Variants in DNM3 observed in about 807,000 individuals in gnomAD.
DNM3 encodes dynamin-3.
DNM3 carries 47 observed loss-of-function variants against 101.6 expected under a neutral mutation model. The observed-to-expected ratio is 0.46, with a 90% CI of 0.37 to 0.59. The LOEUF (loss-of-function observed/expected upper bound fraction) is 0.59, where lower values mean the gene tolerates loss of function less well. Ranked by LOEUF, DNM3 falls within the 20% of genes least tolerant of loss-of-function variation. DNM3 has a pLI of 0.00. For synonymous variants in DNM3, 385 were observed against 387.9 expected (o/e 0.99, Z 0.09); for missense variants, 849 against 1,085.7 (o/e 0.78, Z 3.06).
At chr1:171,928,492 G>T (rs1036894256) in intron 2 of DNM3, among the ~76,000 whole-genome samples, 7 of 152,118 alleles carry the variant, frequency 4.6e-5, no homozygotes, top group Non-Finnish European at 1.0e-4. Context: ...CAGGGTGGAG[G>T]GTCTGTGCTA....
At chr1:172,181,651 CAATT>C (rs2059350492) in intron 14 of DNM3, among the ~76,000 whole-genome samples, 1 of 151,860 alleles carries the variant, frequency 6.6e-6, no homozygotes, top group Non-Finnish European at 1.5e-5. Flanking sequence ...TGCTGACACA[CAATT>C]AATCTCACAA....
At chr1:172,187,157 T>A (rs2059554975) in intron 14 of DNM3, among the ~76,000 whole-genome samples, 1 of 152,098 alleles carries the variant, frequency 6.6e-6, no homozygotes, top group African/African-American at 2.4e-5. Flanking sequence ...TTTCTCCCTC[T>A]TTTCTTTGCA....
intron 14 of DNM3, among the ~76,000 whole-genome samples, chr1:172,242,269 T>C (rs1003441127): frequency 1.3e-5 from 2 of 152,162 alleles, no homozygotes; most frequent in African/African-American, 4.8e-5. Context: ...ATGTAGACTT[T>C]CACTAAACTC....
chr1:171,998,618 G>T (rs995488006), intron 4 of DNM3, among the ~76,000 whole-genome samples: 5 of 152,084 alleles, frequency 3.3e-5, no homozygotes, highest in African/African-American at 4.8e-5. Flanking sequence ...TCTAGAGCTT[G>T]TATTCTAATG....
chr1:172,212,468 C>CAGAAAAATTAACCTATTCCT (rs1464658249), intron 14 of DNM3, among the ~76,000 whole-genome samples: 2 of 152,164 alleles, frequency 1.3e-5, no homozygotes, highest in African/African-American at 2.4e-5. Flanking sequence ...AATAGCTTTG[C>CAGAAAAATTAACCTATTCCT]AGAAAAATTA....
chr1:172,132,988 A>T, intron 14 of DNM3: 1 of 1,533,132 alleles, frequency 6.5e-7, no homozygotes, highest in Non-Finnish European at 8.8e-7. Context: ...TCCAGAGCCT[A>T]TGCTTTCAAC....
intron 13 of DNM3, among the ~76,000 whole-genome samples, chr1:172,093,239 G>A (rs1298329878): frequency 1.3e-5 from 2 of 152,132 alleles, no homozygotes; most frequent in African/African-American, 4.8e-5. Context: ...GCTTTCTGGG[G>A]TTGCTAACTA....
intron 2 of DNM3, among the ~76,000 whole-genome samples, chr1:171,933,446 GGA>G (rs1445767272): frequency 1.3e-5 from 2 of 152,158 alleles, no homozygotes; most frequent in East Asian, 3.8e-4. Context: ...CATTCTAGGT[GGA>G]GAGAAACCAA....
chr1:172,057,837 C>T (rs956290483), intron 10 of DNM3, among the ~76,000 whole-genome samples: 1 of 148,294 alleles, frequency 6.7e-6, no homozygotes, highest in Non-Finnish European at 1.5e-5. Flanking sequence ...CAAATTCACA[C>T]ATAAAAATAT....
chr1:172,394,140 T>A (rs1463060534), intron 20 of DNM3: 1 of 152,228 alleles, frequency 6.6e-6, no homozygotes, highest in African/African-American at 2.4e-5. Context: ...TTTTAATTCT[T>A]CAAGTCTTGG....
At chr1:171,949,581 ATT>A (rs780102550) in intron 2 of DNM3, among the ~76,000 whole-genome samples, 4 of 144,104 alleles carry the variant, frequency 2.8e-5, no homozygotes, top group East Asian at 2.0e-4. Flanking sequence ...GGCTAATGAA[ATT>A]TTTTTTTTTT....
At chr1:172,311,660 G>A (rs753639615) in intron 16 of DNM3, among the ~76,000 whole-genome samples, 7 of 152,100 alleles carry the variant, frequency 4.6e-5, no homozygotes, top group Non-Finnish European at 1.0e-4. Flanking sequence ...GAAAATCAAA[G>A]TTATCCATCT....
intron 15 of DNM3, among the ~76,000 whole-genome samples, chr1:172,288,986 T>C (rs1319416840): frequency 6.6e-6 from 1 of 152,182 alleles, no homozygotes; most frequent in Non-Finnish European, 1.5e-5. Context: ...TTCCGTTTCC[T>C]AATATATATT....
chr1:172,147,362 T>C (rs2057952944), intron 14 of DNM3, among the ~76,000 whole-genome samples: 3 of 152,130 alleles, frequency 2.0e-5, no homozygotes, highest in South Asian at 2.1e-4. Flanking sequence ...CCAAAATGTA[T>C]TGGGCCCTAG....
At chr1:171,878,534 C>A (rs953349723) in intron 1 of DNM3, among the ~76,000 whole-genome samples, 4 of 152,118 alleles carry the variant, frequency 2.6e-5, no homozygotes, top group Admixed American at 2.0e-4. Flanking sequence ...CTCTGTTTCC[C>A]TCATGAATTG....
chr1:171,987,082 A>G (rs2045315871), intron 2 of DNM3, among the ~76,000 whole-genome samples: 1 of 152,158 alleles, frequency 6.6e-6, no homozygotes, highest in African/African-American at 2.4e-5. Flanking sequence ...TTGCTTTGAT[A>G]TAATACTCTA....
At chr1:172,225,134 C>CTTTTTTTTTTTTTTTTTT (rs1168334078) in intron 14 of DNM3, among the ~76,000 whole-genome samples, 8 of 65,526 alleles carry the variant, frequency 1.2e-4, no homozygotes, top group Admixed American at 2.0e-4. Flanking sequence ...TCTTCTTCCT[C>CTTTTTTTTTTTTTTTTTT]TTTTTTTTTT....
intron 20 of DNM3, among the ~76,000 whole-genome samples, chr1:172,396,538 C>A (rs536331634): frequency 1.1e-3 from 162 of 152,286 alleles, no homozygotes; most frequent in African/African-American, 3.6e-3. Flanking sequence ...AGCTAAAAGT[C>A]TGGATAGCCA....
chr1:172,152,514 A>G (rs915988494), intron 14 of DNM3, among the ~76,000 whole-genome samples: 1 of 152,124 alleles, frequency 6.6e-6, no homozygotes, highest in African/African-American at 2.4e-5. Context: ...TATACGGGTT[A>G]GGTTGGATCT....
Sources: gnomAD v4.1 joint callset for allele counts (sites outside exome capture counted in the v4.1 genomes callset) on GRCh38, gnomAD v4.1.1 for gene constraint, MANE v1.5 for transcripts, NCBI Gene and HGNC (gene_info 2026-07-23, HGNC 2026-07-21) for gene names.